The following SMYD3 variants were observed in gnomAD, a reference collection of about 807,000 sequenced individuals.
The protein encoded by SMYD3 is histone-lysine N-methyltransferase SMYD3.
In SMYD3, 36 loss-of-function variants were observed where a neutral mutation model predicts 57.7. The ratio of observed to expected loss-of-function variants is 0.62; its 90% confidence interval spans 0.48 to 0.82. The LOEUF is 0.82. SMYD3 is among the 40% of genes least tolerant of loss of function. The pLI is 0.00. For synonymous variants in SMYD3, 211 were observed against 195.0 expected (o/e 1.08, Z -0.68); for missense variants, 515 against 538.8 (o/e 0.96, Z 0.44).
At chr1:246,367,305 G>A (rs1053200114) in intron 1 of SMYD3, among the ~76,000 whole-genome samples, 1 of 152,100 alleles carries the variant, frequency 6.6e-6, no homozygotes, top group African/African-American at 2.4e-5. Context: ...AAGAGAAGGA[G>A]TTAGATAAGT....
chr1:246,046,474 A>G (rs1052073244), intron 5 of SMYD3, among the ~76,000 whole-genome samples: 6 of 151,864 alleles, frequency 4.0e-5, no homozygotes, highest in African/African-American at 1.2e-4. Context: ...GGGGCCTGTC[A>G]TGGGGCGGTG....
chr1:245,877,073 A>C (rs1572571497), intron 8 of SMYD3, among the ~76,000 whole-genome samples: 1 of 152,306 alleles, frequency 6.6e-6, no homozygotes, highest in East Asian at 1.9e-4. Flanking sequence ...AGCAGAGAAG[A>C]GAAAGAGGTC....
intron 5 of SMYD3, among the ~76,000 whole-genome samples, chr1:245,943,479 T>C (rs549499559): frequency 1.1e-3 from 168 of 152,124 alleles, no homozygotes; most frequent in African/African-American, 3.7e-3. Context: ...AGTTCCAAAA[T>C]TGAGGCAGTA....
At chr1:245,867,146 T>C (rs1023010234) in intron 8 of SMYD3, among the ~76,000 whole-genome samples, 1 of 152,160 alleles carries the variant, frequency 6.6e-6, no homozygotes, top group Non-Finnish European at 1.5e-5. Flanking sequence ...GTGGGTCCAA[T>C]ATAATTACAA....
chr1:245,798,814 T>C (rs1282957359), intron 10 of SMYD3, among the ~76,000 whole-genome samples: 1 of 152,094 alleles, frequency 6.6e-6, no homozygotes. Flanking sequence ...CCTATTTTCT[T>C]CTTCCTCCCA....
intron 8 of SMYD3, among the ~76,000 whole-genome samples, chr1:245,874,025 C>G (rs9287191): frequency 1 from 152,018 of 152,368 alleles, 75,836 homozygotes; most frequent in Middle Eastern, 1. Flanking sequence ...TCCATGAAAA[C>G]AGACCTGAAA....
At chr1:246,314,905 T>G (rs1441983164) in intron 5 of SMYD3, among the ~76,000 whole-genome samples, 2 of 152,260 alleles carry the variant, frequency 1.3e-5, no homozygotes, top group African/African-American at 4.8e-5. Context: ...AAACAGATAT[T>G]GCTGAAAGGT....
chr1:246,187,282 T>A, intron 5 of SMYD3, among the ~76,000 whole-genome samples: 1 of 133,982 alleles, frequency 7.5e-6, no homozygotes, highest in African/African-American at 3.0e-5. Context: ...AGTGAGACTC[T>A]GTCTCAAAAA....
intron 6 of SMYD3, among the ~76,000 whole-genome samples, chr1:245,928,530 T>C (rs1307627459): frequency 6.6e-6 from 1 of 151,716 alleles, no homozygotes; most frequent in African/African-American, 2.4e-5. Flanking sequence ...AAAAATTAGC[T>C]GGGTGTGGTG....
At chr1:246,506,557 AC>A (rs1239031255) in intron 1 of SMYD3, among the ~76,000 whole-genome samples, 3 of 152,092 alleles carry the variant, frequency 2.0e-5, no homozygotes, top group Non-Finnish European at 4.4e-5. Context: ...ACAGAGGTGC[AC>A]CGTAGACATC....
chr1:246,387,811 T>C (rs907531193), intron 1 of SMYD3, among the ~76,000 whole-genome samples: 2 of 152,198 alleles, frequency 1.3e-5, no homozygotes, highest in South Asian at 2.1e-4. Context: ...GCACTGAAAA[T>C]AGACCAAAGC....
At chr1:246,318,541 A>G (rs2148646160) in intron 5 of SMYD3, among the ~76,000 whole-genome samples, 1 of 152,354 alleles carries the variant, frequency 6.6e-6, no homozygotes, top group South Asian at 2.1e-4. Flanking sequence ...AATAAGATGT[A>G]ATTCCTGGCT....
intron 10 of SMYD3, among the ~76,000 whole-genome samples, chr1:245,797,275 C>T (rs549748862): frequency 1.3e-5 from 2 of 152,174 alleles, no homozygotes; most frequent in African/African-American, 4.8e-5. Flanking sequence ...TTGGAACCAA[C>T]CCAAATGTCC....
intron 5 of SMYD3, among the ~76,000 whole-genome samples, chr1:246,213,662 T>C (rs2063122279): frequency 6.6e-6 from 1 of 152,144 alleles, no homozygotes; most frequent in Non-Finnish European, 1.5e-5. Context: ...TGTTCAAAGG[T>C]CAAAACCAGT....
chr1:245,799,656 TCTTTGTA>T (rs1333724237), intron 10 of SMYD3, among the ~76,000 whole-genome samples: 3 of 152,364 alleles, frequency 2.0e-5, no homozygotes, highest in African/African-American at 7.2e-5. Flanking sequence ...CACATTGTTC[TCTTTGTA>T]TTTTGGCTGC....
At chr1:246,308,226 G>A (rs764032786) in intron 5 of SMYD3, among the ~76,000 whole-genome samples, 12 of 151,994 alleles carry the variant, frequency 7.9e-5, no homozygotes, top group Non-Finnish European at 1.6e-4. Context: ...ACCAGACAGG[G>A]CGGAAATGAA....
chr1:246,224,137 T>A (rs1174908194), intron 5 of SMYD3, among the ~76,000 whole-genome samples: 2 of 152,056 alleles, frequency 1.3e-5, no homozygotes, highest in African/African-American at 4.8e-5. Flanking sequence ...TCTGTCCTCA[T>A]AAAGCTCAGA....
chr1:245,796,581 A>G (rs1053538874), intron 10 of SMYD3, among the ~76,000 whole-genome samples: 1 of 152,150 alleles, frequency 6.6e-6, no homozygotes, highest in African/African-American at 2.4e-5. Flanking sequence ...ACAGGAAACA[A>G]TTTTTTTCCA....
intron 10 of SMYD3, among the ~76,000 whole-genome samples, chr1:245,766,876 G>A (rs577095766): frequency 6.6e-6 from 1 of 152,300 alleles, no homozygotes; most frequent in South Asian, 2.1e-4. Context: ...AAATGAAGTA[G>A]AGCTTACAAA....
Sources: allele counts gnomAD v4.1 joint callset (sites outside exome capture counted in the v4.1 genomes callset), GRCh38; gene constraint gnomAD v4.1.1; transcripts MANE v1.5; gene names NCBI Gene and HGNC (gene_info 2026-07-23, HGNC 2026-07-21).